Variants in IGHMBP2 observed in about 807,000 individuals in gnomAD.
IGHMBP2 encodes the protein DNA-binding protein SMUBP-2.
A neutral mutation model predicts 96.0 loss-of-function variants in IGHMBP2; 81 were observed. The ratio of observed to expected loss-of-function variants is 0.84; its 90% CI spans 0.71 to 1.01. The LOEUF (loss-of-function observed/expected upper bound fraction) is 1.01, where lower values mean the gene tolerates loss of function less well. IGHMBP2 is among the 50% of genes least tolerant of loss of function. The pLI is 0.00. For missense variants in IGHMBP2, 1,227 were observed against 1,306.3 expected, an observed-to-expected ratio of 0.94 and a Z score of 0.94; for synonymous variants, 557 against 548.9, an observed-to-expected ratio of 1.01 and a Z score of -0.21.
intron 6 of IGHMBP2, among the ~76,000 whole-genome samples, chr11:68,915,896 G>A (rs537958416): frequency 2.0e-5 from 3 of 152,048 alleles, no homozygotes; most frequent in South Asian, 2.1e-4. Context: ...TTTTCCGGCC[G>A]GATACAGTGG....
Position 68,911,515 on chromosome 11 carries a change from A to G in IGHMBP2, c.623A>G (p.Glu208Gly), listed in dbSNP as rs369139106. 2.5e-6 allele frequency: 4 copies of G among 1,614,000 alleles called. No homozygotes were observed. In the African/African-American group the frequency reaches 5.3e-5, roughly 22 times the overall value. ...EAVLFALSQK[E>G]LAIIHGPPGT... The stretch of plus-strand genomic sequence containing the variant: ...GTTTTATTTGCGCTGTCTCAGAAAG[A>G]ACTTGCCATCATCCATGGACCTCCT... Residue 208 changes from glutamate to glycine, a missense_variant, in exon 5 of 15, where the codon GAA (glutamate) becomes GGA (glycine). By Grantham distance (98) the Glu-to-Gly change is moderately conservative (BLOSUM62 -2). Coordinates refer to ENST00000255078, the MANE Select transcript of IGHMBP2 (RefSeq NM_002180.3).
rs1175482886 is a variant in IGHMBP2, at chr11:68,936,254, G to A, written c.1774G>A (p.Ala592Thr). ...TTTTGTAGGTGAAGTTGGTTTTCTTGCTGAGGACCGGAGGATCAACGTGGC... is the reference window on the plus strand; with the variant it reads ...TTTTGTAGGTGAAGTTGGTTTTCTTACTGAGGACCGGAGGATCAACGTGGC... ...SNRKGEVGFL[A>T]EDRRINVAVT... is the part of the protein sequence containing the mutation. Residue 592 changes from alanine (A) to threonine (T), a missense_variant, in exon 13 of 15, where the codon GCT becomes ACT. Ala to Thr is a moderately conservative substitution (Grantham distance 58). Transcript: ENST00000255078. 1.2e-6 allele frequency: 2 copies of A among 1,614,088 alleles called. No individual in the cohort carries two copies. Among genetic ancestry groups the A allele is most frequent in the Admixed American group, 3.3e-5 (2 of 60,010 alleles).
chr11:68,917,838 C>T lies in IGHMBP2; in HGVS notation c.1015C>T (p.Leu339Phe), dbSNP rs149045005. 2.9e-4 allele frequency: 470 copies of T among 1,614,148 alleles called. 2 individuals carry two copies. Among genetic ancestry groups the T allele is most frequent in the Admixed American group, 7.0e-4 (42 of 60,026 alleles). The change falls in exon 7 of 15, where the codon CTC (leucine) becomes TTC (phenylalanine). Residue 339 changes from leucine to phenylalanine, a missense_variant. Coordinates refer to ENST00000255078, the MANE Select transcript of IGHMBP2 (RefSeq NM_002180.3). ...ELKEREEAAM[L>F]ESLTSANVVL... ...GAAGGAGAGGGAAGAAGCAGCTATG[C>T]TCGAGAGCCTCACTTCGGCAAACGT...
chr11:68,922,498 C>T (rs1858916752), intron 7 of IGHMBP2, among the ~76,000 whole-genome samples: 2 of 151,612 alleles, frequency 1.3e-5, no homozygotes, highest in East Asian at 2.0e-4. Flanking sequence ...TGGGTTCAAG[C>T]GATTCTTCTG....
chr11:68,921,738 C>T (rs909504549), intron 7 of IGHMBP2, among the ~76,000 whole-genome samples: 2 of 152,088 alleles, frequency 1.3e-5, no homozygotes, highest in African/African-American at 2.4e-5. Context: ...TGGTTTAGGT[C>T]GTGTATTTCC....
chr11:68,906,646 T>C (rs1284124786), intron 2 of IGHMBP2, among the ~76,000 whole-genome samples: 1 of 147,820 alleles, frequency 6.8e-6, no homozygotes, highest in Non-Finnish European at 1.5e-5. Context: ...TTTTCTTTTT[T>C]TTTTTTTTTT....
At chr11:68,926,266 CTTTTTT>C (rs58973076) in intron 7 of IGHMBP2, 11 of 102,448 alleles carry the variant, frequency 1.1e-4, no homozygotes, top group South Asian at 6.6e-4. Flanking sequence ...CTGTGTGGTG[CTTTTTT>C]TTTTTTTTTT....
At chr11:68,925,254 T>C (rs1437381291) in intron 7 of IGHMBP2, among the ~76,000 whole-genome samples, 2 of 151,978 alleles carry the variant, frequency 1.3e-5, no homozygotes, top group Non-Finnish European at 2.9e-5. Context: ...CAAGTGATTC[T>C]TGTGCCTCAG....
chr11:68,929,963 G>GGGCC, intron 8 of IGHMBP2: 2 of 1,044,464 alleles, frequency 1.9e-6, no homozygotes, highest in Non-Finnish European at 2.3e-6. Context: ...AGAAAGTGCT[G>GGGCC]CCCGCCCCCC....
chr11:68,937,351 A>C (rs1859589632), intron 13 of IGHMBP2, among the ~76,000 whole-genome samples: 1 of 152,202 alleles, frequency 6.6e-6, no homozygotes, highest in Non-Finnish European at 1.5e-5. Context: ...GCATGTCTGC[A>C]GCAGCAGGAG....
chr11:68,916,396 C>G lies in IGHMBP2; in HGVS notation c.913-1340C>G, dbSNP rs1858672413. 2.0e-5 allele frequency among the ~76,000 whole-genome samples: 3 copies of G among 152,134 alleles called. No individual in the cohort carries two copies. The South Asian group carries it at 6.2e-4, about 32-fold the overall frequency. Reference sequence around the variant, plus strand: ...TTCCATTTGAGAGGGCCTTTTCCCCCCAGCCCGACACTCCGACACTTTTGA... The same window carrying G: ...TTCCATTTGAGAGGGCCTTTTCCCCGCAGCCCGACACTCCGACACTTTTGA... On this transcript the variant is annotated intron_variant, in intron 6 of 14. Transcript: ENST00000255078.
At chr11:68,906,640 C>CTTTTTTT (rs60710565) in intron 2 of IGHMBP2, among the ~76,000 whole-genome samples, 45 of 117,576 alleles carry the variant, frequency 3.8e-4, no homozygotes, top group African/African-American at 8.6e-4. Flanking sequence ...CATTTCTTTT[C>CTTTTTTT]TTTTTTTTTT....
intron 6 of IGHMBP2, 110 bp downstream of exon 6, chr11:68,915,133 G>T: frequency 1.8e-6 from 1 of 547,054 alleles, no homozygotes; most frequent in Non-Finnish European, 3.1e-6. Context: ...TGCTTCTGTC[G>T]ATTCCTTTAA....
At chr11:68,931,985 C>A (rs1386184594) in intron 8 of IGHMBP2, among the ~76,000 whole-genome samples, 1 of 138,642 alleles carries the variant, frequency 7.2e-6, no homozygotes, top group Non-Finnish European at 1.5e-5. Flanking sequence ...TGGGGGAAGA[C>A]GTTGGGTGGT....
At chr11:68,934,592 A>T in intron 11 of IGHMBP2, 34 bp downstream of exon 11, 3 of 1,491,724 alleles carry the variant, frequency 2.0e-6, no homozygotes, top group Non-Finnish European at 2.8e-6. Flanking sequence ...TCTACAGAGC[A>T]GCTGGGGCTC....
In IGHMBP2 at chr11:68,938,296, T is replaced by C. The variant is rs1859630408; in HGVS notation, c.2726T>C (p.Leu909Pro). The C allele has an allele frequency of 6.2e-7, 1 of 1,613,084 alleles. No homozygotes were observed. The highest frequency in any genetic ancestry group is 1.7e-5 in the Admixed American group (1 of 59,982). ...FAKCTAGVTT[L>P]GQFCQLCSRR... ...AAGTGCACAGCCGGCGTCACAACCC[T>C]GGGCCAGTTCTGCCAGCTCTGCAGC... The change falls in exon 14 of 15, where the codon CTG becomes CCG. Residue 909 changes from leucine to proline, a missense_variant. Physicochemically the swap from Leu to Pro is moderately conservative, Grantham distance 98. This residue lies in a region of IGHMBP2 where 703 missense variants were observed against 770.3 expected (regional missense o/e 0.91). Transcript: ENST00000255078.
chr11:68,936,104 C>T (rs1299766366), intron 12 of IGHMBP2, 133 bp from the exon 13 acceptor site: 23 of 1,013,552 alleles, frequency 2.3e-5, no homozygotes, highest in South Asian at 5.1e-5. Flanking sequence ...CACGCGTGGC[C>T]GGGCACCCGT....
chr11:68,936,577 G>A lies in IGHMBP2; in HGVS notation c.2097G>A (p.Gly699=). 1 of 1,611,980 alleles carries A rather than the reference G, an allele frequency of 6.2e-7. No individual in the cohort carries two copies. Among genetic ancestry groups the A allele is most frequent in the Non-Finnish European group, 8.5e-7 (1 of 1,178,860 alleles). Residue 699 remains glycine, a synonymous_variant, in exon 13 of 15, where the codon GGG becomes GGA. Coordinates refer to ENST00000255078, the MANE Select transcript of IGHMBP2 (RefSeq NM_002180.3). ...PARQGRKKPA[G]KSLASEAPSQ... is the part of the protein sequence containing the mutation. ...GACAGGGCCGGAAGAAGCCGGCTGG[G>A]AAGTCTCTGGCCTCTGAAGCTCCAT...
At chr11:68,921,194 T>TG (rs1379629193) in intron 7 of IGHMBP2, among the ~76,000 whole-genome samples, 1 of 151,644 alleles carries the variant, frequency 6.6e-6, no homozygotes, top group Non-Finnish European at 1.5e-5. Flanking sequence ...TCTTTTTTTT[T>TG]TTACATAAGT....
Sources: gnomAD v4.1 joint callset for allele counts (sites outside exome capture counted in the v4.1 genomes callset) on GRCh38, gnomAD v4.1.1 for gene constraint, gnomAD v4.1.1 regional missense constraint, MANE v1.5 for transcripts, NCBI Gene and HGNC (gene_info 2026-07-23, HGNC 2026-07-21) for gene names.